Variants in RFX7 observed in about 807,000 individuals in gnomAD.
RFX7 encodes the protein regulatory factor X7, also known as DNA-binding protein RFX7.
In RFX7, 26 loss-of-function variants were observed where a neutral mutation model predicts 111.8. The observed-to-expected ratio is 0.23, with a 90% CI of 0.17 to 0.32. RFX7 has a LOEUF of 0.32. Among genes scored for constraint, RFX7 ranks in the 10% least tolerant of loss-of-function variants. The probability of loss-of-function intolerance (pLI) is 1.00; values close to 1 mark genes in which losing one functional copy is unlikely to be tolerated. For synonymous variants in RFX7, 624 were observed against 624.4 expected (o/e 1.00, Z 0.01); for missense variants, 1,573 against 1,772.9 (o/e 0.89, Z 2.02).
intron 5 of RFX7, among the ~76,000 whole-genome samples, chr15:56,113,511 G>C (rs954809698): frequency 6.6e-6 from 1 of 152,108 alleles, no homozygotes; most frequent in Non-Finnish European, 1.5e-5. Context: ...GGGGCGGTGA[G>C]GGGAGGAAAG....
chr15:56,093,712 A>G lies in RFX7; in HGVS notation c.4016T>C (p.Ile1339Thr), dbSNP rs753799420. 44 of 1,613,566 alleles carry G rather than the reference A, an allele frequency of 2.7e-5. No individual in the cohort carries two copies. Among genetic ancestry groups the G allele is most frequent in the Middle Eastern group, 1.6e-4 (1 of 6,082 alleles). The part of the protein sequence containing the change: ...SPGDNQAQSE[I>T]GEQQLDFNST... ...ATTGAAATCTAATTGTTGCTCTCCAATTTCTGATTGTGCTTGATTATCTCC... is the reference window on the plus strand; with the variant it reads ...ATTGAAATCTAATTGTTGCTCTCCAGTTTCTGATTGTGCTTGATTATCTCC... The change falls in exon 10 of 10, where the codon ATT becomes ACT. Residue 1339 changes from isoleucine (I) to threonine (T), a missense_variant. Ile to Thr is a moderately conservative substitution (Grantham distance 89, BLOSUM62 -1). Transcript: ENST00000559447.
At chr15:56,105,377 G>A (rs1189701114) in intron 5 of RFX7, among the ~76,000 whole-genome samples, 2 of 152,064 alleles carry the variant, frequency 1.3e-5, no homozygotes, top group Admixed American at 6.6e-5. Flanking sequence ...TATTGGATTC[G>A]CCAGTGTATT....
At position 56,094,053 on chromosome 15, in the gene RFX7, T is replaced by C; in HGVS notation, c.3675A>G (p.Ser1225=). 6.2e-7 allele frequency: 1 copy of C among 1,614,008 alleles called. No homozygotes were observed. Among genetic ancestry groups the C allele is most frequent in the Non-Finnish European group, 8.5e-7 (1 of 1,179,870 alleles). The change falls in exon 10 of 10, where the codon TCA becomes TCG. Residue 1225 remains serine (S), a synonymous_variant. Coordinates refer to ENST00000559447, the MANE Select transcript of RFX7 (RefSeq NM_022841.7). The part of the protein sequence containing the change: ...CANNIAQRSQ[S]VPLTVMMQTA... ...TCTGCATCATGACTGTCAATGGAAC[T>C]GATTGGCTTCTTTGAGCTATGTTGT...
intron 2 of RFX7, among the ~76,000 whole-genome samples, chr15:56,220,583 G>A (rs1596018587): frequency 6.6e-6 from 1 of 151,932 alleles, no homozygotes; most frequent in Non-Finnish European, 1.5e-5. Flanking sequence ...CTGGATATTA[G>A]ACCTTTGTCA....
intron 2 of RFX7, among the ~76,000 whole-genome samples, chr15:56,195,863 G>A (rs2043142258): frequency 6.6e-6 from 1 of 152,004 alleles, no homozygotes; most frequent in South Asian, 2.1e-4. Flanking sequence ...CCTAATATAC[G>A]CAACTCAATG....
chr15:56,204,951 G>A (rs2043235536), intron 2 of RFX7, among the ~76,000 whole-genome samples: 2 of 152,118 alleles, frequency 1.3e-5, no homozygotes, highest in Admixed American at 6.5e-5. Context: ...CATCTAAAAC[G>A]ATCATATTGT....
chr15:56,115,492 A>G (rs1400016047), intron 5 of RFX7, among the ~76,000 whole-genome samples: 2 of 152,188 alleles, frequency 1.3e-5, no homozygotes, highest in Non-Finnish European at 2.9e-5. Flanking sequence ...AAAAATGACT[A>G]TTCTTTTGGT....
chr15:56,167,090 C>T (rs1180909132), intron 3 of RFX7, among the ~76,000 whole-genome samples: 1 of 151,856 alleles, frequency 6.6e-6, no homozygotes, highest in African/African-American at 2.4e-5. Flanking sequence ...CACTTGAGGC[C>T]AGGAGTTGAT....
chr15:56,225,762 T>G (rs373547541), intron 2 of RFX7, among the ~76,000 whole-genome samples: 30 of 152,172 alleles, frequency 2.0e-4, no homozygotes, highest in Middle Eastern at 3.2e-3. Context: ...TAAACCTGCT[T>G]GCTGACTCAC....
At chr15:56,227,766 A>T (rs1409812663) in intron 2 of RFX7, among the ~76,000 whole-genome samples, 2 of 152,194 alleles carry the variant, frequency 1.3e-5, no homozygotes, top group African/African-American at 4.8e-5. Flanking sequence ...AAATATAAGA[A>T]AAATAAAAGG....
At position 56,234,364 on chromosome 15, in the gene RFX7, T is replaced by C. The variant is rs544546379; in HGVS notation, c.161+8761A>G. On this transcript the variant is annotated intron_variant, in intron 2 of 9. Coordinates refer to ENST00000559447, the MANE Select transcript of RFX7 (RefSeq NM_022841.7). ...AATTCAGTTTTCCCTGACTACATGATTCTATAAATTCAGAATTTATCGTTG... is the reference window on the plus strand; with the variant it reads ...AATTCAGTTTTCCCTGACTACATGACTCTATAAATTCAGAATTTATCGTTG... Among the ~76,000 whole-genome samples, 80 of 152,302 alleles carry C rather than the reference T, an allele frequency of 5.3e-4. 2 individuals carry two copies. The South Asian group carries it at 0.017, about 32-fold the overall frequency.
Position 56,093,165 on chromosome 15 carries a change from T to C in RFX7, c.*180A>G. 1.8e-6 allele frequency: 1 copy of C among 567,578 alleles called. No individual in the cohort carries two copies. Among genetic ancestry groups the C allele is most frequent in the Non-Finnish European group, 3.1e-6 (1 of 326,500 alleles). The allele number at this position is 567,578 out of a possible 1,614,324, so 35.2% of individuals were successfully genotyped here. On this transcript the variant is annotated 3_prime_UTR_variant, in exon 10 of 10. Transcript: ENST00000559447. ...TTGTTCTTCTACAGCCTACTGTCTT[T>C]AGACACTTGTTAAGAACTGAGGCAA...
chr15:56,145,884 A>G (rs1482475226), intron 3 of RFX7, among the ~76,000 whole-genome samples: 2 of 152,234 alleles, frequency 1.3e-5, no homozygotes, highest in Admixed American at 1.3e-4. Flanking sequence ...ATGTTCCACA[A>G]GTGGCATAAA....
chr15:56,208,936 T>G (rs76712141), intron 2 of RFX7, among the ~76,000 whole-genome samples: 1 of 151,654 alleles, frequency 6.6e-6, no homozygotes, highest in African/African-American at 2.4e-5. Flanking sequence ...GGGTGTAACA[T>G]ATGTGTAATG....
chr15:56,217,418 C>CTT (rs768315071), intron 2 of RFX7, among the ~76,000 whole-genome samples: 15 of 143,640 alleles, frequency 1.0e-4, no homozygotes, highest in Non-Finnish European at 1.5e-4. Flanking sequence ...GCTGTTACAA[C>CTT]TTTTTTTTTT....
chr15:56,146,953 TCCA>T (rs2042483375), intron 3 of RFX7, among the ~76,000 whole-genome samples: 1 of 152,216 alleles, frequency 6.6e-6, no homozygotes, highest in Non-Finnish European at 1.5e-5. Context: ...TACTGTGTCA[TCCA>T]CTGCTAATTA....
chr15:56,222,756 C>T (rs767115530), intron 2 of RFX7, among the ~76,000 whole-genome samples: 1 of 152,130 alleles, frequency 6.6e-6, no homozygotes, highest in East Asian at 1.9e-4. Context: ...TTACCAGAGA[C>T]AACATAAAAT....
intron 3 of RFX7, among the ~76,000 whole-genome samples, chr15:56,150,157 G>A (rs778161765): frequency 6.6e-6 from 1 of 152,150 alleles, no homozygotes; most frequent in Non-Finnish European, 1.5e-5. Context: ...GCAAGGCTGC[G>A]GTGGCCAGAC....
At chr15:56,210,734 T>C (rs2043305925) in intron 2 of RFX7, among the ~76,000 whole-genome samples, 1 of 152,078 alleles carries the variant, frequency 6.6e-6, no homozygotes, top group South Asian at 2.1e-4. Flanking sequence ...TGAGAGAAAT[T>C]GTAAAATACT....
Sources: gnomAD v4.1 joint callset for allele counts (sites outside exome capture counted in the v4.1 genomes callset) on GRCh38, gnomAD v4.1.1 for gene constraint, MANE v1.5 for transcripts, NCBI Gene and HGNC (gene_info 2026-07-23, HGNC 2026-07-21) for gene names.